The following KIAA1143 variants were observed in gnomAD, a reference collection of about 807,000 sequenced individuals.
KIAA1143 encodes uncharacterized protein KIAA1143.
Under a neutral mutation model 17.0 loss-of-function variants are expected in KIAA1143, and 8 were observed. The observed-to-expected ratio is 0.47, with a 90% CI of 0.28 to 0.85. KIAA1143 has a LOEUF of 0.85. Among genes scored for constraint, KIAA1143 ranks in the 40% least tolerant of loss-of-function variants. KIAA1143 has a pLI of 0.12. For synonymous variants in KIAA1143, 64 were observed against 67.8 expected (o/e 0.94, Z 0.27); for missense variants, 162 against 183.3 (o/e 0.88, Z 0.67).
Position 44,753,521 on chromosome 3 carries a change from G to A in KIAA1143, c.285C>T (p.Ile95=), listed in dbSNP as rs770694843. Residue 95 remains isoleucine, a synonymous_variant, in exon 3 of 3, where the codon ATC becomes ATT. Coordinates refer to ENST00000296121, the MANE Select transcript of KIAA1143 (RefSeq NM_020696.4). The stretch of plus-strand genomic sequence containing the variant: ...GATGCTTGACTGGTTTTCGATATAT[G>A]ATTCTTCCATCGGCTGGAGTTGGTT... The part of the protein sequence containing the change: ...DEEPTPADGR[I]IYRKPVKHPS... The A allele has an allele frequency of 8.1e-6, 13 of 1,611,986 alleles. No individual in the cohort carries two copies. Among genetic ancestry groups the A allele is most frequent in the Non-Finnish European group, 1.1e-5 (13 of 1,178,398 alleles).
chr3:44,754,574 G>A (rs1239439033), intron 1 of KIAA1143, among the ~76,000 whole-genome samples: 1 of 152,140 alleles, frequency 6.6e-6, no homozygotes. Flanking sequence ...GTGCCTGTCC[G>A]GTGGGATTCA....
chr3:44,759,893 T>TAAAAAAAAAAAAAA (rs1364432200), intron 1 of KIAA1143, among the ~76,000 whole-genome samples: 2 of 21,102 alleles, frequency 9.5e-5, no homozygotes, highest in African/African-American at 2.1e-4. Flanking sequence ...AGACCCTATC[T>TAAAAAAAAAAAAAA]CAAAAAAAAA....
chr3:44,755,076 G>A (rs927925705), intron 1 of KIAA1143, among the ~76,000 whole-genome samples: 4 of 152,134 alleles, frequency 2.6e-5, no homozygotes, highest in Non-Finnish European at 5.9e-5. Flanking sequence ...GACACCGTAA[G>A]AGCCCCACTC....
chr3:44,760,365 AT>A (rs1165830142), intron 1 of KIAA1143, among the ~76,000 whole-genome samples: 4 of 152,170 alleles, frequency 2.6e-5, no homozygotes, highest in African/African-American at 9.7e-5. Flanking sequence ...TAGACCCAGG[AT>A]ATTTACGGCT....
chr3:44,760,421 GCT>G, intron 1 of KIAA1143, among the ~76,000 whole-genome samples: 1 of 151,928 alleles, frequency 6.6e-6, no homozygotes, highest in East Asian at 1.9e-4. Context: ...ACGGAGTCTC[GCT>G]CTGTCGCCCA....
At chr3:44,755,270 T>C (rs542036826) in intron 1 of KIAA1143, among the ~76,000 whole-genome samples, 91 of 152,346 alleles carry the variant, frequency 6.0e-4, no homozygotes, top group Middle Eastern at 6.8e-3. Flanking sequence ...AAAAACCTCA[T>C]GCACCCATTT....
At chr3:44,761,292 C>T (rs1575561942) in intron 1 of KIAA1143, among the ~76,000 whole-genome samples, 7 of 152,312 alleles carry the variant, frequency 4.6e-5, no homozygotes, top group Admixed American at 6.5e-5. Flanking sequence ...CACAGCAGCG[C>T]TCTGAAAACT....
rs1346418479 is a variant in KIAA1143 at position 44,749,466 on chromosome 3, A to G, written c.*3875T>C. 2 of 152,256 alleles carry G rather than the reference A, an allele frequency of 1.3e-5. No homozygotes were observed. The highest frequency in any genetic ancestry group is 4.8e-5 in the African/African-American group (2 of 41,474). The allele number at this position is 152,256 out of a possible 1,614,324, so 9.4% of individuals were successfully genotyped here. ...AAGATACTTTGAAATTCATAATTTC[A>G]GATGGATGTGGCTGGTAAGGATCTT... On this transcript the variant is annotated 3_prime_UTR_variant, in exon 3 of 3. Coordinates refer to ENST00000296121, the MANE Select transcript of KIAA1143 (RefSeq NM_020696.4).
chr3:44,753,291 A>T lies in KIAA1143; in HGVS notation c.*50T>A. 1 of 1,393,458 alleles carries T rather than the reference A, an allele frequency of 7.2e-7. No individual in the cohort carries two copies. Among genetic ancestry groups the T allele is most frequent in the East Asian group, 2.3e-5 (1 of 43,536 alleles). The allele number at this position is 1,393,458 out of a possible 1,614,324, so 86.3% of individuals were successfully genotyped here. ...TATAATAGGAAAAAATGTGATTTTA[A>T]TGAACACTCCATATACTTTCAAAGT... On this transcript the variant is annotated 3_prime_UTR_variant, in exon 3 of 3. Transcript: ENST00000296121.
chr3:44,757,213 A>G (rs904292441), intron 1 of KIAA1143, among the ~76,000 whole-genome samples: 2 of 152,046 alleles, frequency 1.3e-5, no homozygotes, highest in East Asian at 1.9e-4. Flanking sequence ...TCATCGCTCA[A>G]TCTATGTCCC....
intron 1 of KIAA1143, 95 bp downstream of exon 1, chr3:44,761,400 A>G: frequency 1.1e-6 from 1 of 916,316 alleles, no homozygotes; most frequent in South Asian, 1.6e-5. Context: ...GGGTGAAAAG[A>G]GGGACCCGAC....
chr3:44,756,988 A>C (rs1229794877), intron 1 of KIAA1143, among the ~76,000 whole-genome samples: 1 of 152,200 alleles, frequency 6.6e-6, no homozygotes, highest in African/African-American at 2.4e-5. Flanking sequence ...AAACTGATTA[A>C]AAATGAAGTG....
At chr3:44,761,068 C>T (rs1705102476) in intron 1 of KIAA1143, among the ~76,000 whole-genome samples, 1 of 152,148 alleles carries the variant, frequency 6.6e-6, no homozygotes, top group African/African-American at 2.4e-5. Flanking sequence ...GAAGACGTTC[C>T]AGACTCGAGT....
rs1198181255 is a variant in KIAA1143, at chr3:44,751,324, T to C, written c.*2017A>G. The stretch of plus-strand genomic sequence containing the variant: ...CAACGGCTAGGAATAACAGCAGAGG[T>C]AGGAATGGGAGTTAGCGGGATTGCA... On this transcript the variant is annotated 3_prime_UTR_variant, in exon 3 of 3. Transcript: ENST00000296121. 3 of 152,064 alleles carry C rather than the reference T, an allele frequency of 2.0e-5. No homozygotes were observed. Among genetic ancestry groups the C allele is most frequent in the African/African-American group, 4.8e-5 (2 of 41,384 alleles). 9.4% of individuals were successfully genotyped at this position (152,064 alleles called of 1,614,324 possible).
intron 1 of KIAA1143, among the ~76,000 whole-genome samples, chr3:44,760,686 C>CT (rs543256879): frequency 0.018 from 2,572 of 139,086 alleles, 55 homozygotes; most frequent in African/African-American, 0.039. Context: ...CCAGGCCCGG[C>CT]TTTTTTTTTT....
In KIAA1143 at chr3:44,751,995, G is replaced by A. The variant is rs927116333; in HGVS notation, c.*1346C>T. On this transcript the variant is annotated 3_prime_UTR_variant, in exon 3 of 3. Transcript: ENST00000296121. ...ATCACGTCTCTCAGGGGGAAAATGA[G>A]GCAGGAGAATAGGGTCTGGAGACAG... 1 of 151,806 alleles carries A rather than the reference G, an allele frequency of 6.6e-6. No homozygotes were observed. Among genetic ancestry groups the A allele is most frequent in the Non-Finnish European group, 1.5e-5 (1 of 67,952 alleles). The allele number at this position is 151,806 out of a possible 1,614,324, so 9.4% of individuals were successfully genotyped here. A position where few individuals can be genotyped will look rare whatever the true frequency, so the allele number is the denominator to read the frequency against.
chr3:44,759,808 T>A (rs2125881246), intron 1 of KIAA1143, among the ~76,000 whole-genome samples: 1 of 146,872 alleles, frequency 6.8e-6, no homozygotes, highest in East Asian at 2.1e-4. Flanking sequence ...GGCAGGAGGA[T>A]CACTTGAGCC....
intron 1 of KIAA1143, among the ~76,000 whole-genome samples, chr3:44,754,660 A>G (rs1704941285): frequency 6.6e-6 from 1 of 152,124 alleles, no homozygotes; most frequent in Admixed American, 6.5e-5. Context: ...TGTCACTCCT[A>G]GCCTACTCAG....
intron 1 of KIAA1143, among the ~76,000 whole-genome samples, chr3:44,760,302 C>A (rs1204200002): frequency 7.9e-5 from 12 of 152,248 alleles, no homozygotes; most frequent in Non-Finnish European, 5.9e-5. Context: ...CCCTCCGGCC[C>A]TAGACAACAA....
Sources: allele counts gnomAD v4.1 joint callset (sites outside exome capture counted in the v4.1 genomes callset), GRCh38; gene constraint gnomAD v4.1.1; transcripts MANE v1.5; gene names NCBI Gene and HGNC (gene_info 2026-07-23, HGNC 2026-07-21).